SPAST: variants seen among roughly 807,000 people sequenced by gnomAD.
The protein encoded by SPAST is spastin, also known as spastic paraplegia 4 (autosomal dominant; spastin).
Under a neutral mutation model 76.6 loss-of-function variants are expected in SPAST, and 30 were observed. The observed-to-expected ratio is 0.39, with a 90% confidence interval of 0.29 to 0.53. The LOEUF (loss-of-function observed/expected upper bound fraction) is 0.53, where lower values mean the gene tolerates loss of function less well. Among genes scored for constraint, SPAST ranks in the 20% least tolerant of loss-of-function variants. The probability of loss-of-function intolerance (pLI) is 0.68; values close to 1 mark genes in which losing one functional copy is unlikely to be tolerated. For missense variants in SPAST, 717 were observed against 770.5 expected, an observed-to-expected ratio of 0.93 and a Z score of 0.82; for synonymous variants, 305 against 281.0, an observed-to-expected ratio of 1.09 and a Z score of -0.86.
rs1236143929 is a variant in SPAST at position 32,128,601 on chromosome 2, A to G, written c.1245+122A>G. The G allele has an allele frequency of 5.6e-6, 4 of 712,248 alleles. No homozygotes were observed. The African/African-American group carries it at 7.0e-5, about 13-fold the overall frequency. 44.1% of individuals were successfully genotyped at this position (712,248 alleles called of 1,614,324 possible). On this transcript the variant is annotated intron_variant, in intron 9 of 16. Coordinates refer to ENST00000315285, the MANE Select transcript of SPAST (RefSeq NM_014946.4). ...TAGGAGCTTATCTATTGTATCTATT[A>G]TTTACATATGATGAATATCTATCTT...
intron 8 of SPAST, chr2:32,127,894 G>A (rs1016189709): frequency 1.3e-5 from 2 of 153,142 alleles, no homozygotes; most frequent in African/African-American, 4.8e-5. Context: ...AGAGTAGAAA[G>A]AAGCACAGCT....
At chr2:32,098,943 A>G (rs1353373270) in intron 4 of SPAST, 52 bp downstream of exon 4, 8 of 1,175,084 alleles carry the variant, frequency 6.8e-6, no homozygotes, top group Non-Finnish European at 9.0e-6. Flanking sequence ...GCAAAGTAAG[A>G]GTCTTACTTA....
rs529504493 is a variant in SPAST, at chr2:32,136,419, T to C, written c.1246-144T>C. On this transcript the variant is annotated intron_variant, in intron 9 of 16. Coordinates refer to ENST00000315285, the MANE Select transcript of SPAST (RefSeq NM_014946.4). ...TAAAATTGTAAGGGACGGTTAGTAG[T>C]ACTCTCCCCTTTCTCAAACCAAATC... 24 of 676,278 alleles carry C rather than the reference T, an allele frequency of 3.5e-5. No individual in the cohort carries two copies. In the African/African-American group the frequency reaches 3.9e-4, roughly 11 times the overall value. 41.9% of individuals were successfully genotyped at this position (676,278 alleles called of 1,614,324 possible).
chr2:32,083,776 A>ATTTTTTTTTTTTTTTTTTTT (rs1178658126), intron 1 of SPAST, among the ~76,000 whole-genome samples: 6 of 46,072 alleles, frequency 1.3e-4, no homozygotes, highest in South Asian at 1.9e-3. Flanking sequence ...ATATATATAT[A>ATTTTTTTTTTTTTTTTTTTT]TTTTTTTTTT....
chr2:32,109,491 CT>C (rs1044834015), intron 4 of SPAST, among the ~76,000 whole-genome samples: 2 of 152,090 alleles, frequency 1.3e-5, no homozygotes, highest in Admixed American at 1.3e-4. Flanking sequence ...ACCTTCACCC[CT>C]AGTTTGGTTT....
At chr2:32,077,339 A>G (rs185003241) in intron 1 of SPAST, among the ~76,000 whole-genome samples, 2 of 152,332 alleles carry the variant, frequency 1.3e-5, no homozygotes, top group Admixed American at 6.5e-5. Flanking sequence ...TATAACATAG[A>G]TGAGCAAATG....
chr2:32,071,281 G>T (rs969933229), intron 1 of SPAST, among the ~76,000 whole-genome samples: 2 of 152,172 alleles, frequency 1.3e-5, no homozygotes, highest in Admixed American at 6.5e-5. Context: ...AAAGGATCAG[G>T]CATCGAAGAC....
Position 32,155,724 on chromosome 2 carries a change from TATC to T in SPAST, c.*1231_*1233del, listed in dbSNP as rs376420990. ...TGTCATTGTAGGGAGTAGAGACTCA[TATC>T]ATGGCCTTTTAAATATTGTAATAAA... On this transcript the variant is annotated 3_prime_UTR_variant, in exon 17 of 17. Transcript: ENST00000315285. 4.2e-3 allele frequency: 634 copies of T among 152,652 alleles called. 9 individuals carry two copies. The highest frequency in any genetic ancestry group is 0.015 in the African/African-American group (624 of 41,556). The allele number at this position is 152,652 out of a possible 1,614,324, so 9.5% of individuals were successfully genotyped here.
intron 10 of SPAST, 48 bp downstream of exon 10, chr2:32,136,686 C>T: frequency 6.8e-7 from 1 of 1,466,024 alleles, no homozygotes. Flanking sequence ...GTGAAATTTC[C>T]CTCTCCAAAT....
chr2:32,110,232 C>G (rs1183291814), intron 4 of SPAST, among the ~76,000 whole-genome samples: 2 of 148,374 alleles, frequency 1.3e-5, no homozygotes, highest in African/African-American at 4.9e-5. Context: ...AATTCTCCTG[C>G]TTCAGTCTCC....
At chr2:32,090,769 T>G (rs1225139729) in intron 3 of SPAST, among the ~76,000 whole-genome samples, 2 of 152,206 alleles carry the variant, frequency 1.3e-5, no homozygotes, top group African/African-American at 2.4e-5. Flanking sequence ...GCATCTTTTG[T>G]GGTATGTTTT....
At chr2:32,135,172 C>T (rs750622245) in intron 9 of SPAST, among the ~76,000 whole-genome samples, 20 of 151,400 alleles carry the variant, frequency 1.3e-4, no homozygotes, top group South Asian at 2.1e-4. Context: ...CTCTGTCGCC[C>T]GGGCTGGAGT....
At position 32,083,655 on chromosome 2, in the gene SPAST, C is replaced by CTATA. The variant is rs61231740; in HGVS notation, c.416-3819_416-3816dup. On this transcript the variant is annotated intron_variant, in intron 1 of 16. Transcript: ENST00000315285. ...CAATACTTATATTTGACTCTGCCTA[C>CTATA]TATATATATATATATATATATTTTT... Among the ~76,000 whole-genome samples the CTATA allele has an allele frequency of 4.1e-3, 507 of 124,252 alleles. 6 individuals are homozygous for CTATA. The highest frequency in any genetic ancestry group is 0.015 in the African/African-American group (497 of 33,038). 81.5% of individuals were successfully genotyped at this position (124,252 alleles called of 152,430 possible). A position where few individuals can be genotyped will look rare whatever the true frequency, so the allele number is the denominator to read the frequency against.
intron 7 of SPAST, among the ~76,000 whole-genome samples, chr2:32,121,631 C>T (rs1292322761): frequency 6.8e-6 from 1 of 147,966 alleles, no homozygotes; most frequent in Non-Finnish European, 1.5e-5. Flanking sequence ...CCCTTCGCCT[C>T]CTGGGTTCGA....
At chr2:32,096,170 C>G (rs918607070) in intron 3 of SPAST, among the ~76,000 whole-genome samples, 4 of 152,200 alleles carry the variant, frequency 2.6e-5, no homozygotes, top group African/African-American at 9.6e-5. Context: ...CGCGGTGGCT[C>G]ACGCCTGTAA....
intron 4 of SPAST, among the ~76,000 whole-genome samples, chr2:32,110,019 A>G (rs1678482091): frequency 6.7e-6 from 1 of 148,452 alleles, no homozygotes; most frequent in South Asian, 2.1e-4. Context: ...AACTATGTAT[A>G]TATAGCTGTA....
Position 32,112,315 on chromosome 2 carries a change from A to G in SPAST, c.683-2323A>G, listed in dbSNP as rs1678646110. ...TCAAGTAGTAGGTCTTATTTATTCT[A>G]GAACCTCGTTTTAAGGTATCCTGAA... On this transcript the variant is annotated intron_variant, in intron 4 of 16. Coordinates refer to ENST00000315285, the MANE Select transcript of SPAST (RefSeq NM_014946.4). 2.0e-5 allele frequency among the ~76,000 whole-genome samples: 3 copies of G among 150,026 alleles called. No individual in the cohort carries two copies. In the South Asian group the frequency reaches 6.4e-4, roughly 32 times the overall value.
At chr2:32,106,779 A>G (rs1194855166) in intron 4 of SPAST, among the ~76,000 whole-genome samples, 1 of 151,766 alleles carries the variant, frequency 6.6e-6, no homozygotes, top group East Asian at 1.9e-4. Context: ...CCCTCTTCCC[A>G]TTCCTTCCTC....
Position 32,063,881 on chromosome 2 carries a change from G to A in SPAST, c.50G>A (p.Ser17Asn), listed in dbSNP as rs1676386884. ...RGKKKGSGGA[S>N]NPVPPRPPPP... Reference sequence around the variant, plus strand: ...AAGAAGAAAGGCTCCGGCGGCGCCAGCAACCCGGTGCCTCCCAGGCCTCCG... The same window carrying A: ...AAGAAGAAAGGCTCCGGCGGCGCCAACAACCCGGTGCCTCCCAGGCCTCCG... The change falls in exon 1 of 17, where the codon AGC becomes AAC. Residue 17 changes from serine (S) to asparagine (N), a missense_variant. Coordinates refer to ENST00000315285, the MANE Select transcript of SPAST (RefSeq NM_014946.4). 1.3e-6 allele frequency: 2 copies of A among 1,583,624 alleles called. No homozygotes were observed. Among genetic ancestry groups the A allele is most frequent in the East Asian group, 2.3e-5 (1 of 43,722 alleles).
Sources: gnomAD v4.1 joint callset for allele counts (sites outside exome capture counted in the v4.1 genomes callset) on GRCh38, gnomAD v4.1.1 for gene constraint, MANE v1.5 for transcripts, NCBI Gene and HGNC (gene_info 2026-07-23, HGNC 2026-07-21) for gene names.